Variants in MOB3B observed in about 807,000 individuals in gnomAD.
MOB3B encodes the protein MOB kinase activator-like 2B.
MOB3B carries 7 observed loss-of-function variants against 18.7 expected under a neutral mutation model. The observed-to-expected ratio is 0.37, with a 90% CI of 0.21 to 0.70. The LOEUF is 0.70. Among genes scored for constraint, MOB3B ranks in the 30% least tolerant of loss-of-function variants. The pLI is 0.52. For synonymous variants in MOB3B, 111 were observed against 99.9 expected (o/e 1.11, Z -0.66); for missense variants, 253 against 281.3 (o/e 0.90, Z 0.72).
chr9:27,343,414 T>C (rs1587142885), intron 3 of MOB3B, among the ~76,000 whole-genome samples: 1 of 143,920 alleles, frequency 6.9e-6, no homozygotes, highest in African/African-American at 2.7e-5. Flanking sequence ...TTCCCTCCAC[T>C]ATTGTCCTAT....
intron 1 of MOB3B, among the ~76,000 whole-genome samples, chr9:27,495,420 G>T (rs2440622): frequency 0.88 from 134,393 of 152,096 alleles, 60,452 homozygotes; most frequent in East Asian, 0.99. Context: ...GTGAGGCAGG[G>T]TTAGCTACTC....
chr9:27,477,716 A>G (rs1232523948), intron 1 of MOB3B, among the ~76,000 whole-genome samples: 1 of 152,248 alleles, frequency 6.6e-6, no homozygotes, highest in Non-Finnish European at 1.5e-5. Flanking sequence ...GTAAGACATA[A>G]CTGTTCTTCT....
chr9:27,340,743 C>T (rs1162241274), intron 3 of MOB3B, among the ~76,000 whole-genome samples: 1 of 152,208 alleles, frequency 6.6e-6, no homozygotes, highest in Non-Finnish European at 1.5e-5. Flanking sequence ...ATCAAAGGAG[C>T]CTGTGATTTC....
rs764088305 is a variant in MOB3B at position 27,455,422 on chromosome 9, G to T, written c.129C>A (p.Asp43Glu). 2.5e-6 allele frequency: 4 copies of T among 1,614,168 alleles called. No individual in the cohort carries two copies. In the South Asian group the frequency reaches 4.4e-5, roughly 18 times the overall value. ...TGGGCAACTGCACAGCCGCCTTCAG[G>T]TCCACACCCGAGTTGAGGGATGCCT... Reference protein sequence around the residue: ...RAQASLNSGVDLKAAVQLPSG... With the variant: ...RAQASLNSGVELKAAVQLPSG... The change falls in exon 2 of 4, where the codon GAC becomes GAA. Residue 43 changes from aspartate (D) to glutamate (E), a missense_variant. Transcript: ENST00000262244.
chr9:27,433,150 CG>C (rs1449285915), intron 2 of MOB3B, among the ~76,000 whole-genome samples: 1 of 150,946 alleles, frequency 6.6e-6, no homozygotes, highest in Non-Finnish European at 1.5e-5. Flanking sequence ...AATTTAGTAC[CG>C]GCTCAAAAAG....
intron 1 of MOB3B, among the ~76,000 whole-genome samples, chr9:27,506,781 C>T (rs1045005146): frequency 7.9e-5 from 12 of 151,572 alleles, no homozygotes; most frequent in African/African-American, 2.9e-4. Flanking sequence ...CCGCCAGCCT[C>T]GGCCTCCCAA....
chr9:27,523,464 C>CAAAAAAAAAAAAAAAAAAAAAAAAAA (rs55637136), intron 1 of MOB3B, among the ~76,000 whole-genome samples: 50 of 141,676 alleles, frequency 3.5e-4, no homozygotes, highest in Middle Eastern at 3.6e-3. Context: ...TAAACTGCAC[C>CAAAAAAAAAAAAAAAAAAAAAAAAAA]AAAAAAAAAA....
At chr9:27,378,917 G>A (rs977914051) in intron 2 of MOB3B, among the ~76,000 whole-genome samples, 6 of 152,318 alleles carry the variant, frequency 3.9e-5, no homozygotes, top group Admixed American at 1.3e-4. Context: ...TCTAGCCCAC[G>A]TCTTCTGAGC....
chr9:27,440,464 A>G (rs922528550), intron 2 of MOB3B, among the ~76,000 whole-genome samples: 1 of 151,936 alleles, frequency 6.6e-6, no homozygotes, highest in Non-Finnish European at 1.5e-5. Context: ...ATACGTATCA[A>G]TGGATGATGG....
rs1283672473 is a variant in MOB3B, at chr9:27,517,099, A to G, written c.-199+12456T>C. Among the ~76,000 whole-genome samples, 3 of 152,068 alleles carry G rather than the reference A, an allele frequency of 2.0e-5. No homozygotes were observed. In the East Asian group the frequency reaches 5.8e-4, roughly 29 times the overall value. Reference sequence around the variant, plus strand: ...CCAAATCAATTTCCAAAAGTTGCCAACCTTAACTTCTAAGTAATTGTCTTC... The same window carrying G: ...CCAAATCAATTTCCAAAAGTTGCCAGCCTTAACTTCTAAGTAATTGTCTTC... On this transcript the variant is annotated intron_variant, in intron 1 of 3. Coordinates refer to ENST00000262244, the MANE Select transcript of MOB3B (RefSeq NM_024761.5).
chr9:27,438,321 T>G (rs1209876495), intron 2 of MOB3B, among the ~76,000 whole-genome samples: 1 of 152,192 alleles, frequency 6.6e-6, no homozygotes, highest in East Asian at 1.9e-4. Flanking sequence ...GAGCTCTTAC[T>G]TGCTCCTTGT....
At chr9:27,398,261 G>A (rs11789448) in intron 2 of MOB3B, among the ~76,000 whole-genome samples, 12,887 of 152,170 alleles carry the variant, frequency 0.085, 617 homozygotes, top group South Asian at 0.12. Context: ...CAGAAGGATC[G>A]TCATCTCACT....
At chr9:27,511,055 G>C (rs1820134724) in intron 1 of MOB3B, among the ~76,000 whole-genome samples, 1 of 152,128 alleles carries the variant, frequency 6.6e-6, no homozygotes, top group African/African-American at 2.4e-5. Context: ...TGACCGCATG[G>C]AGAGGGAAAG....
chr9:27,384,838 C>A (rs1821628186), intron 2 of MOB3B, among the ~76,000 whole-genome samples: 1 of 152,178 alleles, frequency 6.6e-6, no homozygotes, highest in Non-Finnish European at 1.5e-5. Context: ...GCCCATGGCA[C>A]CACCTGTGCC....
chr9:27,444,643 TC>T (rs1762322103), intron 2 of MOB3B, among the ~76,000 whole-genome samples: 1 of 152,206 alleles, frequency 6.6e-6, no homozygotes. Flanking sequence ...TATAATTTCA[TC>T]AAATGCAGCT....
chr9:27,348,589 G>T (rs1821063211), intron 3 of MOB3B, among the ~76,000 whole-genome samples: 1 of 152,050 alleles, frequency 6.6e-6, no homozygotes, highest in African/African-American at 2.4e-5. Flanking sequence ...GGAGGTGGAG[G>T]TTGCAGTGAG....
intron 2 of MOB3B, among the ~76,000 whole-genome samples, chr9:27,428,152 G>A (rs984997880): frequency 7.2e-5 from 11 of 152,016 alleles, no homozygotes; most frequent in African/African-American, 2.4e-4. Flanking sequence ...ATTTACTGAG[G>A]GGCTGCTATG....
intron 1 of MOB3B, among the ~76,000 whole-genome samples, chr9:27,522,237 T>C (rs1587277163): frequency 4.1e-5 from 2 of 48,252 alleles, no homozygotes; most frequent in African/African-American, 8.3e-5. Context: ...CAAGACCCCG[T>C]CTCACAAAAA....
chr9:27,342,198 C>T (rs1444061507), intron 3 of MOB3B, among the ~76,000 whole-genome samples: 2 of 152,106 alleles, frequency 1.3e-5, no homozygotes, highest in Non-Finnish European at 2.9e-5. Context: ...CGCACCATGC[C>T]AATACCATGA....
Sources: gnomAD v4.1 joint callset for allele counts (sites outside exome capture counted in the v4.1 genomes callset) on GRCh38, gnomAD v4.1.1 for gene constraint, MANE v1.5 for transcripts, NCBI Gene and HGNC (gene_info 2026-07-23, HGNC 2026-07-21) for gene names.